DPP10: variants seen among roughly 807,000 people sequenced by gnomAD.
DPP10 encodes dipeptidyl peptidase like 10, also known as inactive dipeptidyl peptidase 10.
Under a neutral mutation model 120.9 loss-of-function variants are expected in DPP10, and 33 were observed. The observed-to-expected ratio is 0.27, with a 90% CI of 0.21 to 0.37. The LOEUF is 0.37. Among genes scored for constraint, DPP10 ranks in the 10% least tolerant of loss-of-function variants. DPP10 has a pLI of 1.00. For missense variants in DPP10, 816 were observed against 942.8 expected, an observed-to-expected ratio of 0.87 and a Z score of 1.76; for synonymous variants, 337 against 326.1, an observed-to-expected ratio of 1.03 and a Z score of -0.36.
At chr2:114,889,229 T>A (rs1327137997) in intron 1 of DPP10, among the ~76,000 whole-genome samples, 1 of 152,228 alleles carries the variant, frequency 6.6e-6, no homozygotes, top group Non-Finnish European at 1.5e-5. Context: ...TCATGGTATT[T>A]GTTATGACAG....
intron 1 of DPP10, among the ~76,000 whole-genome samples, chr2:114,704,040 C>A (rs72830362): frequency 0.011 from 1,715 of 152,202 alleles, 11 homozygotes; most frequent in Middle Eastern, 0.034. Context: ...ATTTAGCTCC[C>A]TTTATGTGCT....
At chr2:115,806,380 C>T (rs1177412238) in intron 19 of DPP10, among the ~76,000 whole-genome samples, 1 of 152,086 alleles carries the variant, frequency 6.6e-6, no homozygotes. Flanking sequence ...GATGGTTCTG[C>T]CACTGCCTGC....
intron 1 of DPP10, among the ~76,000 whole-genome samples, chr2:115,216,142 A>G (rs950976294): frequency 5.3e-5 from 8 of 152,122 alleles, no homozygotes; most frequent in Non-Finnish European, 1.2e-4. Flanking sequence ...CAGACACTGG[A>G]GACTCAGAAA....
intron 1 of DPP10, among the ~76,000 whole-genome samples, chr2:114,563,970 A>T (rs1178605218): frequency 6.6e-6 from 1 of 152,174 alleles, no homozygotes; most frequent in Non-Finnish European, 1.5e-5. Context: ...TGGAGCTCGC[A>T]GCTCACCCGC....
At chr2:115,272,743 C>T (rs1321517272) in intron 1 of DPP10, among the ~76,000 whole-genome samples, 1 of 152,230 alleles carries the variant, frequency 6.6e-6, no homozygotes, top group Non-Finnish European at 1.5e-5. Flanking sequence ...ACACCTCCAG[C>T]CCCTCCCCTG....
intron 1 of DPP10, among the ~76,000 whole-genome samples, chr2:115,103,055 G>C (rs980230526): frequency 2.0e-5 from 3 of 151,990 alleles, no homozygotes; most frequent in African/African-American, 7.2e-5. Flanking sequence ...GTTAATTATA[G>C]CTGCTATAAA....
chr2:114,679,356 G>A (rs1698872937), intron 1 of DPP10, among the ~76,000 whole-genome samples: 1 of 151,920 alleles, frequency 6.6e-6, no homozygotes, highest in Non-Finnish European at 1.5e-5. Flanking sequence ...TAGAATAATT[G>A]TTTTATAAAA....
At chr2:115,282,000 A>T (rs1285833871) in intron 1 of DPP10, among the ~76,000 whole-genome samples, 1 of 152,090 alleles carries the variant, frequency 6.6e-6, no homozygotes, top group Non-Finnish European at 1.5e-5. Flanking sequence ...GTAAAATGCA[A>T]TTGGAGTATA....
chr2:114,744,802 C>T (rs931146815), intron 1 of DPP10, among the ~76,000 whole-genome samples: 3 of 151,982 alleles, frequency 2.0e-5, no homozygotes, highest in Non-Finnish European at 2.9e-5. Flanking sequence ...CACTCTGTCG[C>T]CCAAGCTGGA....
At chr2:115,692,148 T>C (rs1261442338) in intron 7 of DPP10, among the ~76,000 whole-genome samples, 2 of 151,950 alleles carry the variant, frequency 1.3e-5, no homozygotes, top group African/African-American at 4.8e-5. Context: ...GGGTTTTTTG[T>C]TTTTTGTTTT....
chr2:115,655,123 G>A (rs1251250703), intron 5 of DPP10, among the ~76,000 whole-genome samples: 1 of 151,678 alleles, frequency 6.6e-6, no homozygotes, highest in African/African-American at 2.4e-5. Context: ...TGGAGATGAA[G>A]TTGGGTTGAA....
intron 1 of DPP10, chr2:114,462,165 A>T: frequency 1.0e-6 from 1 of 984,792 alleles, no homozygotes; most frequent in East Asian, 1.1e-4. Context: ...TAAAAAATAC[A>T]CATTAAAGTC....
At chr2:114,986,923 C>T (rs1399889953) in intron 1 of DPP10, among the ~76,000 whole-genome samples, 1 of 152,066 alleles carries the variant, frequency 6.6e-6, no homozygotes, top group Non-Finnish European at 1.5e-5. Context: ...AGGCACACAC[C>T]ACCATGACTG....
chr2:115,022,031 A>G (rs1174164768), intron 1 of DPP10, among the ~76,000 whole-genome samples: 2 of 152,180 alleles, frequency 1.3e-5, no homozygotes, highest in African/African-American at 4.8e-5. Flanking sequence ...AATAAAAGCC[A>G]TCTATGACAA....
rs913746459 is a variant in DPP10 at position 115,384,646 on chromosome 2, G to C, written c.271+40734G>C. On this transcript the variant is annotated intron_variant, in intron 3 of 25. Coordinates refer to ENST00000410059, the MANE Select transcript of DPP10 (RefSeq NM_020868.6). Reference sequence around the variant, plus strand: ...AAGAAGAGGAAGAAGAAAGAAGGAAGAAGAAGAAGGAAGAAGAAGAAGAAG... The same window carrying C: ...AAGAAGAGGAAGAAGAAAGAAGGAACAAGAAGAAGGAAGAAGAAGAAGAAG... 3.0e-5 allele frequency among the ~76,000 whole-genome samples: 4 copies of C among 134,172 alleles called. No individual in the cohort carries two copies. The East Asian group carries it at 8.3e-4, about 28-fold the overall frequency. 88.0% of individuals were successfully genotyped at this position (134,172 alleles called of 152,430 possible).
intron 1 of DPP10, among the ~76,000 whole-genome samples, chr2:115,226,067 TTACTTA>T (rs139319959): frequency 0.014 from 2,164 of 152,232 alleles, 57 homozygotes; most frequent in African/African-American, 0.048. Flanking sequence ...AAATTCAATT[TTACTTA>T]TACTTTAACA....
At chr2:114,804,855 A>G (rs974701775) in intron 1 of DPP10, among the ~76,000 whole-genome samples, 1 of 152,142 alleles carries the variant, frequency 6.6e-6, no homozygotes, top group Non-Finnish European at 1.5e-5. Context: ...ACTGTTGGGA[A>G]GGCATGATTG....
At chr2:115,568,716 G>A (rs924915405) in intron 5 of DPP10, among the ~76,000 whole-genome samples, 3 of 151,984 alleles carry the variant, frequency 2.0e-5, no homozygotes, top group African/African-American at 7.2e-5. Flanking sequence ...GTTAATCTGG[G>A]TATGTTCTCC....
chr2:114,852,240 A>C (rs1377256502), intron 1 of DPP10, among the ~76,000 whole-genome samples: 1 of 130,504 alleles, frequency 7.7e-6, no homozygotes, highest in African/African-American at 3.0e-5. Context: ...CTGAGCCCTC[A>C]GGGAATAGTT....
Sources: gnomAD v4.1 joint callset for allele counts (sites outside exome capture counted in the v4.1 genomes callset) on GRCh38, gnomAD v4.1.1 for gene constraint, MANE v1.5 for transcripts, NCBI Gene and HGNC (gene_info 2026-07-23, HGNC 2026-07-21) for gene names.